HDAC9: variants seen among roughly 807,000 people sequenced by gnomAD.
HDAC9 encodes the protein MEF-2 interacting transcription repressor (MITR) protein.
In HDAC9, 41 loss-of-function variants were observed where a neutral mutation model predicts 139.4. That is an observed-to-expected ratio of 0.29 (90% CI 0.23 to 0.38). The LOEUF is 0.38. HDAC9 is among the 10% of genes least tolerant of loss of function. The pLI, the probability that HDAC9 is intolerant of heterozygous loss-of-function variation, is 1.00. For missense variants in HDAC9, 1,147 were observed against 1,297.0 expected (o/e 0.88, Z 1.78); for synonymous variants, 517 against 476.2 (o/e 1.09, Z -1.12).
At chr7:18,637,921 G>T (rs1271241722) in intron 8 of HDAC9, among the ~76,000 whole-genome samples, 1 of 149,024 alleles carries the variant, frequency 6.7e-6, no homozygotes, top group African/African-American at 2.5e-5. Context: ...CTGGAGAAAA[G>T]AAAAAAAAAA....
intron 21 of HDAC9, among the ~76,000 whole-genome samples, chr7:18,850,249 T>C (rs766981370): frequency 2.0e-5 from 3 of 152,208 alleles, no homozygotes; most frequent in Non-Finnish European, 4.4e-5. Context: ...CACAAAAGCA[T>C]GCAGCTTTCT....
exon 2 of HDAC9, chr7:18,162,233 C>G: frequency 1.8e-6 from 2 of 1,126,158 alleles, no homozygotes; most frequent in Non-Finnish European, 2.6e-6. Context: ...TTCTAGGTTT[C>G]TCCTCTGCCA....
intron 2 of HDAC9, among the ~76,000 whole-genome samples, chr7:18,266,183 T>A (rs186434300): frequency 6.6e-6 from 1 of 152,304 alleles, no homozygotes; most frequent in African/African-American, 2.4e-5. Flanking sequence ...ACACTTTCAT[T>A]AATTACACCA....
intron 23 of HDAC9, among the ~76,000 whole-genome samples, chr7:18,948,220 G>A (rs1166919025): frequency 4.0e-5 from 6 of 151,390 alleles, no homozygotes; most frequent in Non-Finnish European, 8.8e-5. Context: ...TAGACAGTGC[G>A]ATATTGTAAA....
At chr7:18,521,179 G>A (rs778856828) in intron 2 of HDAC9, among the ~76,000 whole-genome samples, 14 of 152,256 alleles carry the variant, frequency 9.2e-5, no homozygotes, top group South Asian at 2.1e-4. Context: ...TCCAGTAATG[G>A]AGAAAAATCA....
rs548359843 is a variant in HDAC9 at position 18,313,351 on chromosome 7, C to T, written c.-42+22836C>T. On this transcript the variant is annotated intron_variant, in intron 1 of 3. Transcript: ENST00000413509. Reference sequence around the variant, plus strand: ...TAACTCAGAGATAACAAAATTGGTGCTATGTAGCAAATAATCTGAAGAAAA... The same window carrying T: ...TAACTCAGAGATAACAAAATTGGTGTTATGTAGCAAATAATCTGAAGAAAA... Among the ~76,000 whole-genome samples, 259 of 152,146 alleles carry T rather than the reference C, an allele frequency of 1.7e-3. 1 individual carries two copies. The highest frequency in any genetic ancestry group is 3.4e-3 in the Admixed American group (52 of 15,274).
chr7:18,547,308 T>C (rs976490154), intron 2 of HDAC9, among the ~76,000 whole-genome samples: 1 of 152,200 alleles, frequency 6.6e-6, no homozygotes, highest in African/African-American at 2.4e-5. Flanking sequence ...CGATCTCCGC[T>C]CACTGCAAGC....
At chr7:18,932,304 C>T (rs944198501) in intron 22 of HDAC9, among the ~76,000 whole-genome samples, 18 of 152,146 alleles carry the variant, frequency 1.2e-4, no homozygotes, top group Middle Eastern at 3.4e-3. Flanking sequence ...TTGGACAGGT[C>T]GGATGCCATG....
At chr7:18,691,221 A>C (rs1351081200) in intron 12 of HDAC9, among the ~76,000 whole-genome samples, 1 of 152,026 alleles carries the variant, frequency 6.6e-6, no homozygotes, top group Non-Finnish European at 1.5e-5. Flanking sequence ...TGTGCACTCA[A>C]GTTTATGTTC....
chr7:18,604,684 C>A (rs182864691), intron 6 of HDAC9, among the ~76,000 whole-genome samples: 9 of 152,288 alleles, frequency 5.9e-5, no homozygotes, highest in African/African-American at 1.7e-4. Context: ...CAGGCGTGAG[C>A]CACCGCGCCC....
At chr7:18,731,451 A>G (rs1317857750) in intron 13 of HDAC9, among the ~76,000 whole-genome samples, 3 of 152,060 alleles carry the variant, frequency 2.0e-5, no homozygotes, top group Non-Finnish European at 2.9e-5. Context: ...AACCTTCACC[A>G]TCCATGTGCA....
chr7:18,683,244 T>C (rs1782016375), intron 12 of HDAC9, among the ~76,000 whole-genome samples: 1 of 151,972 alleles, frequency 6.6e-6, no homozygotes, highest in Non-Finnish European at 1.5e-5. Context: ...TAGTAAACAT[T>C]ACTCCAAATT....
chr7:18,813,687 T>G (rs1016666469), intron 17 of HDAC9, among the ~76,000 whole-genome samples: 14 of 152,182 alleles, frequency 9.2e-5, no homozygotes, highest in African/African-American at 2.9e-4. Context: ...ACTACCTTGT[T>G]TTCAACCTTC....
intron 1 of HDAC9, among the ~76,000 whole-genome samples, chr7:18,376,309 G>C (rs964433748): frequency 6.6e-6 from 1 of 152,142 alleles, no homozygotes; most frequent in Admixed American, 6.5e-5. Context: ...AATAAGATTT[G>C]AAATGTGTAC....
intron 22 of HDAC9, among the ~76,000 whole-genome samples, chr7:18,887,332 G>A (rs1240229741): frequency 1.3e-5 from 2 of 152,158 alleles, no homozygotes; most frequent in African/African-American, 4.8e-5. Context: ...TGATACTCCT[G>A]ATCTAGGGAC....
At chr7:18,382,890 T>C (rs1422794208) in intron 1 of HDAC9, among the ~76,000 whole-genome samples, 1 of 152,208 alleles carries the variant, frequency 6.6e-6, no homozygotes, top group Non-Finnish European at 1.5e-5. Context: ...TGTATGAGTG[T>C]GTATGTATAT....
intron 22 of HDAC9, among the ~76,000 whole-genome samples, chr7:18,876,159 A>G (rs138415198): frequency 0.022 from 3,414 of 152,286 alleles, 70 homozygotes; most frequent in Middle Eastern, 0.13. Context: ...TCTTTTGGCC[A>G]TTAGGTATAG....
At chr7:18,593,147 T>C (rs528205807) in intron 5 of HDAC9, among the ~76,000 whole-genome samples, 7 of 152,214 alleles carry the variant, frequency 4.6e-5, no homozygotes, top group South Asian at 2.1e-4. Flanking sequence ...CAATAAAGTC[T>C]TAAGAATATA....
intron 2 of HDAC9, among the ~76,000 whole-genome samples, chr7:18,257,403 A>T (rs965048215): frequency 6.7e-5 from 6 of 89,508 alleles, no homozygotes; most frequent in Non-Finnish European, 1.1e-4. Flanking sequence ...TGTCTCTCCC[A>T]CACACACACA....
Sources: allele counts gnomAD v4.1 joint callset (sites outside exome capture counted in the v4.1 genomes callset), GRCh38; gene constraint gnomAD v4.1.1; transcripts MANE v1.5; gene names NCBI Gene and HGNC (gene_info 2026-07-23, HGNC 2026-07-21).